The following FOXH1 variants were observed in gnomAD, a reference collection of about 807,000 sequenced individuals.
FOXH1 encodes forkhead box protein H1.
Under a neutral mutation model 14.2 loss-of-function variants are expected in FOXH1, and 10 were observed. The observed-to-expected ratio is 0.70, with a 90% CI of 0.43 to 1.19. The LOEUF is 1.19. Ranked by LOEUF, FOXH1 falls within the 50% of genes most tolerant of loss-of-function variation. The pLI, the probability that FOXH1 is intolerant of heterozygous loss-of-function variation, is 0.00. For missense variants in FOXH1, 643 were observed against 492.1 expected, an observed-to-expected ratio of 1.31 and a Z score of -2.90; for synonymous variants, 273 against 209.5, an observed-to-expected ratio of 1.30 and a Z score of -2.62.
rs958964760 is a variant in FOXH1, at chr8:144,473,959, G to A, written c.*279C>T. Reference sequence around the variant, plus strand: ...GACTGATGGATGGGTAGTGGGCTGAGAAGAGGGGACTAGGAAGGGCTATTC... The same window carrying A: ...GACTGATGGATGGGTAGTGGGCTGAAAAGAGGGGACTAGGAAGGGCTATTC... On this transcript the variant is annotated 3_prime_UTR_variant, in exon 3 of 3. Transcript: ENST00000377317. The A allele has an allele frequency of 2.0e-5, 10 of 511,170 alleles. No homozygotes were observed. The highest frequency in any genetic ancestry group is 3.5e-5 in the Non-Finnish European group (10 of 288,634). 31.7% of individuals were successfully genotyped at this position (511,170 alleles called of 1,614,324 possible).
rs1825031255 is a variant in FOXH1, at chr8:144,473,535, C to G, written c.*703G>C. The G allele has an allele frequency of 8.0e-7, 1 of 1,252,408 alleles. No individual in the cohort carries two copies. Among genetic ancestry groups the G allele is most frequent in the Non-Finnish European group, 1.1e-6 (1 of 940,600 alleles). The allele number at this position is 1,252,408 out of a possible 1,614,324, so 77.6% of individuals were successfully genotyped here. A position where few individuals can be genotyped will look rare whatever the true frequency, so the allele number is the denominator to read the frequency against. ...CCCCTGAGCTCCCAGAGTCACCCCT[C>G]CACCTCCGCAGCCAGTGAAGTGTGT... On this transcript the variant is annotated 3_prime_UTR_variant, in exon 3 of 3. Coordinates refer to ENST00000377317, the MANE Select transcript of FOXH1 (RefSeq NM_003923.3).
At position 144,474,887 on chromosome 8, in the gene FOXH1, T is replaced by G; in HGVS notation, c.449A>C (p.His150Pro). Residue 150 changes from histidine (H) to proline (P), a missense_variant, in exon 3 of 3, where the codon CAC (histidine) becomes CCC (proline). Coordinates refer to ENST00000377317, the MANE Select transcript of FOXH1 (RefSeq NM_003923.3). ...ACTGGGCGGCCGGTATGGCCGGCCG[T>G]GCAGCACGTAGGGGCCCAGGTCCTT... ...FAKDLGPYVL[H>P]GRPYRPPSPP... 1 of 1,610,702 alleles carries G rather than the reference T, an allele frequency of 6.2e-7. No homozygotes were observed. Among genetic ancestry groups the G allele is most frequent in the Non-Finnish European group, 8.5e-7 (1 of 1,179,660 alleles).
rs267601826 is a variant in FOXH1 at position 144,474,370 on chromosome 8, C to T, written c.966G>A (p.Gly322=). ...AGAGGGCGTCTAGATCGCAGAGCAG[C>T]CCTGGGGGCCCTCGGGTTTCAGGGG... is the stretch of plus-strand genomic sequence containing the variant. ...GVAPETRGPP[G]LLCDLDALFQ... Residue 322 remains glycine, a synonymous_variant, in exon 3 of 3, where the codon GGG becomes GGA. Transcript: ENST00000377317. 3.1e-6 allele frequency: 5 copies of T among 1,613,048 alleles called. No homozygotes were observed. Among genetic ancestry groups the T allele is most frequent in the Non-Finnish European group, 4.2e-6 (5 of 1,180,018 alleles).
chr8:144,474,546 GT>G lies in FOXH1; in HGVS notation c.789del (p.Arg264GlyfsTer27). 6.2e-7 allele frequency: 1 copy of G among 1,610,952 alleles called. No individual in the cohort carries two copies. The highest frequency in any genetic ancestry group is 8.5e-7 in the Non-Finnish European group (1 of 1,179,898). ...GAGGCCCTGTGTCCCCCGCTGGACC[GT>G]CCCCCAGGAACTGCGGTGCCCTGCA... ...HLLQGTAVPG[G>X]RSSGGHRASL... On this transcript the variant is annotated frameshift_variant, in exon 3 of 3. Transcript: ENST00000377317. LOFTEE classifies it low-confidence loss of function (END_TRUNC).
rs745445336 is a variant in FOXH1, at chr8:144,474,642, T to C, written c.694A>G (p.Thr232Ala). ...LPGPTRVEGE[T>A]VQGGAIGPST... Reference sequence around the variant, plus strand: ...GGCCCGATGGCTCCCCCCTGCACAGTCTCCCCCTCCACTCTCGTGGGGCCA... The same window carrying C: ...GGCCCGATGGCTCCCCCCTGCACAGCCTCCCCCTCCACTCTCGTGGGGCCA... Residue 232 changes from threonine (T) to alanine (A), a missense_variant, in exon 3 of 3, where the codon ACT becomes GCT. Transcript: ENST00000377317. The C allele has an allele frequency of 1.1e-5, 18 of 1,568,108 alleles. No individual in the cohort carries two copies. In the African/African-American group the frequency reaches 2.0e-4, roughly 18 times the overall value.
Position 144,473,413 on chromosome 8 carries a change from G to A in FOXH1, c.*825C>T, listed in dbSNP as rs768728856. The A allele has an allele frequency of 1.3e-6, 2 of 1,566,620 alleles. No homozygotes were observed. The highest frequency in any genetic ancestry group is 1.7e-6 in the Non-Finnish European group (2 of 1,162,428). ...AGTCCTGGGTCGCGGCCCTGCCCAT[G>A]GGGTCTCAGGCCAGGTCTCTGCTGG... On this transcript the variant is annotated 3_prime_UTR_variant, in exon 3 of 3. Transcript: ENST00000377317.
rs369306218 is a variant in FOXH1, at chr8:144,475,635, A to G, written c.122T>C (p.Met41Thr). 54 of 1,441,130 alleles carry G rather than the reference A, an allele frequency of 3.7e-5. No individual in the cohort carries two copies. The highest frequency in any genetic ancestry group is 4.8e-5 in the Non-Finnish European group (53 of 1,094,122). 89.3% of individuals were successfully genotyped at this position (1,441,130 alleles called of 1,614,324 possible). A position where few individuals can be genotyped will look rare whatever the true frequency, so the allele number is the denominator to read the frequency against. ...AGCGGCCTGAATCACCAAGGCGATC[A>G]TGGCCAAGTAGGTGTAGGGGGGCTT... is the stretch of plus-strand genomic sequence containing the variant. ...HDKPPYTYLAMIALVIQAAPS... is the reference protein window; with the variant it reads ...HDKPPYTYLATIALVIQAAPS... Residue 41 changes from methionine (M) to threonine (T), a missense_variant, in exon 1 of 3, where the codon ATG becomes ACG. Met to Thr is a moderately conservative substitution (Grantham distance 81). Coordinates refer to ENST00000377317, the MANE Select transcript of FOXH1 (RefSeq NM_003923.3).
Position 144,473,643 on chromosome 8 carries a change from G to A in FOXH1, c.*595C>T. 2 of 523,590 alleles carry A rather than the reference G, an allele frequency of 3.8e-6. No homozygotes were observed. 32.4% of individuals were successfully genotyped at this position (523,590 alleles called of 1,614,324 possible). On this transcript the variant is annotated 3_prime_UTR_variant, in exon 3 of 3. Coordinates refer to ENST00000377317, the MANE Select transcript of FOXH1 (RefSeq NM_003923.3). ...GGCTTTCTCCTTATCACCATTTGCT[G>A]TTATCACGGCACACAGCAGGGAATC...
chr8:144,475,132 G>A (rs764015773), intron 2 of FOXH1, 25 bp downstream of exon 2: 3 of 1,610,562 alleles, frequency 1.9e-6, no homozygotes, highest in Non-Finnish European at 1.7e-6. Context: ...CTCCGCCCCC[G>A]GGCTCCGACC....
rs1398841939 is a variant in FOXH1 at position 144,473,475 on chromosome 8, A to C, written c.*763T>G. On this transcript the variant is annotated 3_prime_UTR_variant, in exon 3 of 3. Coordinates refer to ENST00000377317, the MANE Select transcript of FOXH1 (RefSeq NM_003923.3). ...GTAAAGTCCCTGTACCCCGTCTCCC[A>C]GGGCACAAGCTCCCTAGCCTCTTTG... The C allele has an allele frequency of 6.9e-7, 1 of 1,457,110 alleles. No individual in the cohort carries two copies. Among genetic ancestry groups the C allele is most frequent in the Non-Finnish European group, 9.0e-7 (1 of 1,107,476 alleles). 90.3% of individuals were successfully genotyped at this position (1,457,110 alleles called of 1,614,324 possible). A position where few individuals can be genotyped will look rare whatever the true frequency, so the allele number is the denominator to read the frequency against.
chr8:144,474,933 C>T lies in FOXH1; in HGVS notation c.403G>A (p.Gly135Ser), dbSNP rs746400119. 5.2e-5 allele frequency: 84 copies of T among 1,608,352 alleles called. 1 individual carries two copies. The highest frequency in any genetic ancestry group is 6.5e-5 in the Non-Finnish European group (77 of 1,179,078). The change falls in exon 3 of 3, where the codon GGT (glycine) becomes AGT (serine). Residue 135 changes from glycine (G) to serine (S), a missense_variant. Physicochemically the swap from Gly to Ser is moderately conservative, Grantham distance 56. Coordinates refer to ENST00000377317, the MANE Select transcript of FOXH1 (RefSeq NM_003923.3). The part of the protein sequence containing the change: ...TALCRRWQNG[G>S]ARGAFAKDLG... ...TCCTTGGCGAAGGCTCCACGCGCACCTCCGTTCTGCCAGCGCCGGCACAGG... is the reference window on the plus strand; with the variant it reads ...TCCTTGGCGAAGGCTCCACGCGCACTTCCGTTCTGCCAGCGCCGGCACAGG...
Position 144,474,491 on chromosome 8 carries a change from A to T in FOXH1, c.845T>A (p.Leu282Ter). 6.2e-7 allele frequency: 1 copy of T among 1,611,434 alleles called. No individual in the cohort carries two copies. Among genetic ancestry groups the T allele is most frequent in the Non-Finnish European group, 8.5e-7 (1 of 1,179,852 alleles). The change falls in exon 3 of 3, where the codon TTG (leucine) becomes TAG (stop). Residue 282 changes from leucine (L) to a stop codon, truncating the protein, a stop_gained. Coordinates refer to ENST00000377317, the MANE Select transcript of FOXH1 (RefSeq NM_003923.3). LOFTEE classifies it low-confidence loss of function (END_TRUNC). ...SLWGQLPTSY[L>*]PIYTPNVVMP... is the part of the protein sequence containing the mutation. Reference sequence around the variant, plus strand: ...TACCACATTGGGAGTGTAGATAGGCAAGTAGGAGGTGGGCAGCTGCCCCCA... The same window carrying T: ...TACCACATTGGGAGTGTAGATAGGCTAGTAGGAGGTGGGCAGCTGCCCCCA...
At position 144,474,403 on chromosome 8, in the gene FOXH1, C is replaced by G. The variant is rs140090667; in HGVS notation, c.933G>C (p.Trp311Cys). The change falls in exon 3 of 3, where the codon TGG becomes TGC. Residue 311 changes from tryptophan to cysteine, a missense_variant. By Grantham distance (215) the Trp-to-Cys change is radical (BLOSUM62 -2). Transcript: ENST00000377317. ...GCCCTCGGGTTTCAGGGGCCACCCC[C>G]CAGTAGGCAGGGCTGGTTGACGGAC... is the stretch of plus-strand genomic sequence containing the variant. ...PQCPSTSPAYWGVAPETRGPP... is the reference protein window; with the variant it reads ...PQCPSTSPAYCGVAPETRGPP... 23 of 1,613,138 alleles carry G rather than the reference C, an allele frequency of 1.4e-5. No individual in the cohort carries two copies. The highest frequency in any genetic ancestry group is 1.9e-5 in the Non-Finnish European group (23 of 1,180,018).
rs777086342 is a variant in FOXH1 at position 144,474,930 on chromosome 8, C to T, written c.406G>A (p.Ala136Thr). Residue 136 changes from alanine to threonine, a missense_variant, in exon 3 of 3, where the codon GCG (alanine) becomes ACG (threonine). Transcript: ENST00000377317. ...ALCRRWQNGG[A>T]RGAFAKDLGP... ...AGGTCCTTGGCGAAGGCTCCACGCGCACCTCCGTTCTGCCAGCGCCGGCAC... is the reference window on the plus strand; with the variant it reads ...AGGTCCTTGGCGAAGGCTCCACGCGTACCTCCGTTCTGCCAGCGCCGGCAC... 1.9e-6 allele frequency: 3 copies of T among 1,608,548 alleles called. No homozygotes were observed. The highest frequency in any genetic ancestry group is 1.7e-6 in the Non-Finnish European group (2 of 1,179,124).
rs914768594 is a variant in FOXH1, at chr8:144,474,976, G to T, written c.360C>A (p.Leu120=). The part of the protein sequence containing the change: ...VDVSLIPAEA[L]RLQNTALCRR... ...GGCACAGGGCGGTGTTCTGCAGCCG[G>T]AGCGCCTCAGCTGGGATCAGGCTCA... Residue 120 remains leucine, a synonymous_variant, in exon 3 of 3, where the codon CTC becomes CTA. Transcript: ENST00000377317. 1.9e-6 allele frequency: 3 copies of T among 1,607,398 alleles called. No individual in the cohort carries two copies. The highest frequency in any genetic ancestry group is 2.2e-5 in the East Asian group (1 of 44,636).
In FOXH1 at chr8:144,473,793, G is replaced by A; in HGVS notation, c.*445C>T. On this transcript the variant is annotated 3_prime_UTR_variant, in exon 3 of 3. Coordinates refer to ENST00000377317, the MANE Select transcript of FOXH1 (RefSeq NM_003923.3). ...CACCACCAGGACCATGTAGGGTGCA[G>A]TCTTTACTCCCTAACCCGTTTCCCG... is the stretch of plus-strand genomic sequence containing the variant. The A allele has an allele frequency of 2.7e-6, 1 of 376,154 alleles. No individual in the cohort carries two copies. Among genetic ancestry groups the A allele is most frequent in the South Asian group, 5.5e-5 (1 of 18,300 alleles). The allele number at this position is 376,154 out of a possible 1,614,324, so 23.3% of individuals were successfully genotyped here. A position where few individuals can be genotyped will look rare whatever the true frequency, so the allele number is the denominator to read the frequency against.
Position 144,475,259 on chromosome 8 carries a change from G to T in FOXH1, c.177C>A (p.Ile59=). The change falls in exon 2 of 3, where the codon ATC becomes ATA. Residue 59 remains isoleucine, a splice_region_variant and synonymous_variant. Transcript: ENST00000377317. ...APSRRLKLAQ[I]IRQVQAVFPF... is the part of the protein sequence containing the mutation. ...GGAACACGGCCTGGACCTGACGGATGATCTGAAACCGCCAGGCGGCCGGCC... is the reference window on the plus strand; with the variant it reads ...GGAACACGGCCTGGACCTGACGGATTATCTGAAACCGCCAGGCGGCCGGCC... 2 of 1,612,024 alleles carry T rather than the reference G, an allele frequency of 1.2e-6. No individual in the cohort carries two copies. The highest frequency in any genetic ancestry group is 1.7e-6 in the Non-Finnish European group (2 of 1,179,056).
chr8:144,473,530 C>G lies in FOXH1; in HGVS notation c.*708G>C. On this transcript the variant is annotated 3_prime_UTR_variant, in exon 3 of 3. Transcript: ENST00000377317. Reference sequence around the variant, plus strand: ...CATTGCCCCTGAGCTCCCAGAGTCACCCCTCCACCTCCGCAGCCAGTGAAG... The same window carrying G: ...CATTGCCCCTGAGCTCCCAGAGTCAGCCCTCCACCTCCGCAGCCAGTGAAG... 1 of 1,282,710 alleles carries G rather than the reference C, an allele frequency of 7.8e-7. No individual in the cohort carries two copies. The highest frequency in any genetic ancestry group is 3.0e-5 in the Admixed American group (1 of 33,568). The allele number at this position is 1,282,710 out of a possible 1,614,324, so 79.5% of individuals were successfully genotyped here. A position where few individuals can be genotyped will look rare whatever the true frequency, so the allele number is the denominator to read the frequency against.
In FOXH1 at chr8:144,474,533, C is replaced by A. The variant is rs934839135; in HGVS notation, c.803G>T (p.Gly268Val). Residue 268 changes from glycine (G) to valine (V), a missense_variant, in exon 3 of 3, where the codon GGA becomes GTA. Transcript: ENST00000377317. ...CTGCCCCCAGAGGGAGGCCCTGTGT[C>A]CCCCGCTGGACCGTCCCCCAGGAAC... ...TAVPGGRSSG[G>V]HRASLWGQLP... 2.5e-6 allele frequency: 4 copies of A among 1,611,090 alleles called. No homozygotes were observed. Among genetic ancestry groups the A allele is most frequent in the Non-Finnish European group, 3.4e-6 (4 of 1,179,954 alleles).
Sources: allele counts gnomAD v4.1 joint callset, GRCh38; gene constraint gnomAD v4.1.1; transcripts MANE v1.5; gene names NCBI Gene and HGNC (gene_info 2026-07-23, HGNC 2026-07-21).